NUP35: variants seen among roughly 807,000 people sequenced by gnomAD.
NUP35 encodes nucleoporin NUP35.
NUP35 carries 25 observed loss-of-function variants against 41.5 expected under a neutral mutation model. The observed-to-expected ratio is 0.60, with a 90% CI of 0.44 to 0.84. The LOEUF is 0.84. NUP35 is among the 40% of genes least tolerant of loss of function. The pLI, the probability that NUP35 is intolerant of heterozygous loss-of-function variation, is 0.00. For missense variants in NUP35, 396 were observed against 396.6 expected (o/e 1.00, Z 0.01); for synonymous variants, 149 against 130.7 (o/e 1.14, Z -0.96).
At chr2:183,144,264 A>G (rs1239863518) in intron 4 of NUP35, among the ~76,000 whole-genome samples, 1 of 152,166 alleles carries the variant, frequency 6.6e-6, no homozygotes, top group African/African-American at 2.4e-5. Context: ...CCAACTAGGG[A>G]AGCTCACTGG....
chr2:183,133,949 A>G (rs1220281918), intron 4 of NUP35, among the ~76,000 whole-genome samples: 2 of 152,226 alleles, frequency 1.3e-5, no homozygotes, highest in African/African-American at 4.8e-5. Context: ...TATACTTAAT[A>G]GATGTTTGAA....
rs931532460 is a variant in NUP35, at chr2:183,139,104, T to C, written c.397+5481T>C. Among the ~76,000 whole-genome samples, 5 of 152,296 alleles carry C rather than the reference T, an allele frequency of 3.3e-5. No individual in the cohort carries two copies. The East Asian group carries it at 9.6e-4, about 29-fold the overall frequency. ...GGACCTAACATTAATCCTGTGCTTT[T>C]CCACTTGACAACAATAAGAAAATTA... On this transcript the variant is annotated intron_variant, in intron 4 of 8. Transcript: ENST00000295119.
At position 183,124,494 on chromosome 2, in the gene NUP35, T is replaced by TTAGGTGAGTGA. The variant is rs1249037496; in HGVS notation, c.38_40+8dup. 1.2e-6 allele frequency: 2 copies of TTAGGTGAGTGA among 1,613,814 alleles called. No individual in the cohort carries two copies. The highest frequency in any genetic ancestry group is 3.3e-5 in the Admixed American group (2 of 59,970). On this transcript the variant is annotated stop_gained and frameshift_variant, in exon 1 of 9. Coordinates refer to ENST00000295119, the MANE Select transcript of NUP35 (RefSeq NM_138285.5). LOFTEE classifies it high-confidence loss of function. Reference sequence around the variant, plus strand: ...TGCAGTGGAACCTCAGGGGCCCGCGTTAGGTGAGTGAAATATTGCTTTTCC... The same window carrying TTAGGTGAGTGA: ...TGCAGTGGAACCTCAGGGGCCCGCGTTAGGTGAGTGATAGGTGAGTGAAATATTGCTTTTCC...
intron 1 of NUP35, 25 bp downstream of exon 1, chr2:183,124,522 G>C (rs1418305142): frequency 6.2e-7 from 1 of 1,613,660 alleles, no homozygotes; most frequent in Non-Finnish European, 8.5e-7. Context: ...GCTTTTCCTT[G>C]CTGGCACTGC....
At chr2:183,143,476 C>G (rs1243960801) in intron 4 of NUP35, among the ~76,000 whole-genome samples, 1 of 152,166 alleles carries the variant, frequency 6.6e-6, no homozygotes, top group Non-Finnish European at 1.5e-5. Flanking sequence ...AATACTCAGC[C>G]TTATGCCTAA....
At chr2:183,148,293 A>G (rs1352569971) in intron 4 of NUP35, among the ~76,000 whole-genome samples, 2 of 152,144 alleles carry the variant, frequency 1.3e-5, no homozygotes, top group African/African-American at 4.8e-5. Flanking sequence ...TTTTTGTTAT[A>G]TTATTTCTTT....
chr2:183,125,697 T>C (rs932648588), intron 1 of NUP35, among the ~76,000 whole-genome samples: 2 of 145,030 alleles, frequency 1.4e-5, no homozygotes, highest in African/African-American at 5.2e-5. Flanking sequence ...TGCATATTTA[T>C]TGGGGTTACA....
intron 4 of NUP35, among the ~76,000 whole-genome samples, chr2:183,142,542 C>T (rs1036901290): frequency 2.0e-5 from 3 of 151,642 alleles, no homozygotes; most frequent in African/African-American, 7.3e-5. Flanking sequence ...AGTGTAGTGG[C>T]ACAATCTCGG....
chr2:183,124,129 C>T (rs1026764092), upstream of NUP35, among the ~76,000 whole-genome samples: 8 of 152,134 alleles, frequency 5.3e-5, no homozygotes, highest in African/African-American at 1.7e-4. Context: ...GGTCAACTCA[C>T]GCTAATTATG....
chr2:183,146,478 C>T, intron 4 of NUP35, among the ~76,000 whole-genome samples: 1 of 152,198 alleles, frequency 6.6e-6, no homozygotes, highest in Admixed American at 6.5e-5. Context: ...AATAGTACTG[C>T]TATTTTGAGT....
At chr2:183,134,882 C>T (rs1684823470) in intron 4 of NUP35, among the ~76,000 whole-genome samples, 1 of 151,950 alleles carries the variant, frequency 6.6e-6, no homozygotes. Flanking sequence ...CCTCGGCCTC[C>T]CAAAGTGCTG....
chr2:183,159,636 C>T lies in NUP35; in HGVS notation c.887C>T (p.Ser296Phe). The T allele has an allele frequency of 6.2e-7, 1 of 1,612,158 alleles. No homozygotes were observed. The highest frequency in any genetic ancestry group is 2.2e-5 in the East Asian group (1 of 44,784). ...MRPLATAYKA[S>F]TSDYQVISDR... The stretch of plus-strand genomic sequence containing the variant: ...CCTCTTGCTACAGCATACAAAGCCT[C>T]TACTAGTGATTATCAGGTATTTTAA... Residue 296 changes from serine (S) to phenylalanine (F), a missense_variant, in exon 8 of 9, where the codon TCT becomes TTT. Physicochemically the swap from Ser to Phe is radical, Grantham distance 155. Transcript: ENST00000295119.
intron 3 of NUP35, chr2:183,131,006 G>A (rs1684679147): frequency 2.1e-6 from 2 of 961,398 alleles, no homozygotes; most frequent in South Asian, 2.8e-5. Flanking sequence ...GTCCCCAACA[G>A]GGTCCTGATC....
At chr2:183,132,003 T>A (rs531231026) in intron 3 of NUP35, among the ~76,000 whole-genome samples, 1 of 152,066 alleles carries the variant, frequency 6.6e-6, no homozygotes, top group South Asian at 2.1e-4. Flanking sequence ...GGCGGATTGC[T>A]TGATTTTTAT....
chr2:183,124,468 T>G lies in NUP35; in HGVS notation c.11T>G (p.Phe4Cys). Reference sequence around the variant, plus strand: ...GTAGTTGCCGACGCAATGGCAGCCTTTGCAGTGGAACCTCAGGGGCCCGCG... The same window carrying G: ...GTAGTTGCCGACGCAATGGCAGCCTGTGCAGTGGAACCTCAGGGGCCCGCG... MAA[F>C]AVEPQGPALG... Residue 4 changes from phenylalanine to cysteine, a missense_variant, in exon 1 of 9, where the codon TTT becomes TGT. By Grantham distance (205) the Phe-to-Cys change is radical. Coordinates refer to ENST00000295119, the MANE Select transcript of NUP35 (RefSeq NM_138285.5). The G allele has an allele frequency of 6.2e-7, 1 of 1,614,200 alleles. No homozygotes were observed. The highest frequency in any genetic ancestry group is 8.5e-7 in the Non-Finnish European group (1 of 1,180,018).
In NUP35 at chr2:183,157,489, G is replaced by A; in HGVS notation, c.585G>A (p.Gln195=). The A allele has an allele frequency of 1.2e-6, 2 of 1,611,794 alleles. No individual in the cohort carries two copies. The highest frequency in any genetic ancestry group is 1.7e-6 in the Non-Finnish European group (2 of 1,178,128). Residue 195 remains glutamine (Q), a synonymous_variant, in exon 6 of 9, where the codon CAG becomes CAA. Coordinates refer to ENST00000295119, the MANE Select transcript of NUP35 (RefSeq NM_138285.5). ...CCTACATATTACTACAATTTGCACA[G>A]TATGGGAATATCTTAAAACATGTGG... ...SASYILLQFA[Q]YGNILKHVMS...
rs568142742 is a variant in NUP35 at position 183,152,086 on chromosome 2, G to A, written c.539+437G>A. 4.3e-5 allele frequency among the ~76,000 whole-genome samples: 6 copies of A among 140,330 alleles called. No individual in the cohort carries two copies. The South Asian group carries it at 1.2e-3, about 27-fold the overall frequency. The allele number at this position is 140,330 out of a possible 152,430, so 92.1% of individuals were successfully genotyped here. A position where few individuals can be genotyped will look rare whatever the true frequency, so the allele number is the denominator to read the frequency against. ...ACATCTAGTGGAATTCACCAGTTTT[G>A]AATTAACAGAATGAACATTTACAAA... On this transcript the variant is annotated intron_variant, in intron 5 of 8. Transcript: ENST00000295119.
chr2:183,125,690 A>C (rs972717348), intron 1 of NUP35, among the ~76,000 whole-genome samples: 2 of 145,582 alleles, frequency 1.4e-5, no homozygotes, highest in African/African-American at 5.1e-5. Context: ...TTTGGAGTGC[A>C]TATTTATTGG....
At chr2:183,159,785 C>G in intron 8 of NUP35, 133 bp downstream of exon 8, 1 of 622,772 alleles carries the variant, frequency 1.6e-6, no homozygotes, top group Non-Finnish European at 2.6e-6. Context: ...GAAACCTTTA[C>G]GCTTTAAAAG....
Sources: gnomAD v4.1 joint callset for allele counts (sites outside exome capture counted in the v4.1 genomes callset) on GRCh38, gnomAD v4.1.1 for gene constraint, MANE v1.5 for transcripts, NCBI Gene and HGNC (gene_info 2026-07-23, HGNC 2026-07-21) for gene names.